Variants in NBAS observed in about 807,000 individuals in gnomAD.
NBAS encodes the protein NAG/BC035112 fusion.
A neutral mutation model predicts 302.5 loss-of-function variants in NBAS; 219 were observed. The ratio of observed to expected loss-of-function variants is 0.72; its 90% CI spans 0.65 to 0.81. NBAS has a LOEUF of 0.81. Among genes scored for constraint, NBAS ranks in the 30% least tolerant of loss-of-function variants. The pLI is 0.00. For synonymous variants in NBAS, 1,118 were observed against 1,021.6 expected, an observed-to-expected ratio of 1.09 and a Z score of -1.80; for missense variants, 2,932 against 2,841.6, an observed-to-expected ratio of 1.03 and a Z score of -0.72.
rs1428297904 is a variant in NBAS, at chr2:15,506,500, TG to T, written c.886-2288del. The stretch of plus-strand genomic sequence containing the variant: ...AGAGTAGCATTTTTTAAAAGTGTAG[TG>T]AAAGAGAAGGCGAACCAAGGATTTT... On this transcript the variant is annotated intron_variant, in intron 10 of 51. Coordinates refer to ENST00000281513, the MANE Select transcript of NBAS (RefSeq NM_015909.4). Among the ~76,000 whole-genome samples the T allele has an allele frequency of 3.9e-5, 6 of 152,162 alleles. No individual in the cohort carries two copies. The South Asian group carries it at 6.2e-4, about 16-fold the overall frequency.
chr2:15,273,866 G>A (rs1669444355), intron 44 of NBAS, among the ~76,000 whole-genome samples: 1 of 151,860 alleles, frequency 6.6e-6, no homozygotes, highest in Admixed American at 6.6e-5. Context: ...ACGACGTCAG[G>A]AGATCGAGAC....
the NBAS span, among the ~76,000 whole-genome samples, chr2:15,093,997 TTA>T: frequency 6.6e-6 from 1 of 152,210 alleles, no homozygotes; most frequent in Non-Finnish European, 1.5e-5. Flanking sequence ...TAGTTTCTTG[TTA>T]CTAAGAGACT....
At position 15,190,369 on chromosome 2, in the gene NBAS, C is replaced by T. The variant is rs769562325; in HGVS notation, c.6467G>A (p.Arg2156His). Residue 2156 changes from arginine (R) to histidine (H), a missense_variant, in exon 49 of 52, where the codon CGC becomes CAC. Arg to His is a conservative substitution (Grantham distance 29, BLOSUM62 0). Transcript: ENST00000281513. ...DIADIENEENRYCLFMELLES... is the reference protein window; with the variant it reads ...DIADIENEENHYCLFMELLES... ...CAGGAGTTCCATGAATAGACAGTAG[C>T]GGTTCTCTTCATTCTCAATGTCAGC... 5.6e-6 allele frequency: 9 copies of T among 1,613,812 alleles called. No homozygotes were observed. The highest frequency in any genetic ancestry group is 5.5e-5 in the South Asian group (5 of 91,072).
At chr2:14,988,031 G>A in the NBAS span, among the ~76,000 whole-genome samples, 5 of 152,120 alleles carry the variant, frequency 3.3e-5, no homozygotes, top group South Asian at 2.1e-4. Context: ...TAAGGTGTCC[G>A]TATTTGTCCA....
At chr2:14,838,413 T>C in the NBAS span, among the ~76,000 whole-genome samples, 1 of 151,950 alleles carries the variant, frequency 6.6e-6, no homozygotes, top group African/African-American at 2.4e-5. Context: ...TTTCTTTCAA[T>C]TTTGTTGCAA....
chr2:15,155,575 C>G, the NBAS span, among the ~76,000 whole-genome samples: 1 of 152,168 alleles, frequency 6.6e-6, no homozygotes, highest in Non-Finnish European at 1.5e-5. Context: ...TCAAGGCTTC[C>G]AGGGAATCAG....
At position 15,330,695 on chromosome 2, in the gene NBAS, A is replaced by G; in HGVS notation, c.4250T>C (p.Val1417Ala). Residue 1417 changes from valine to alanine, a missense_variant, in exon 36 of 52, where the codon GTC becomes GCC. Transcript: ENST00000281513. The part of the protein sequence containing the change: ...LRWTTATTMK[V>A]LSNTTTTTKA... The stretch of plus-strand genomic sequence containing the variant: ...GGTGGTGGTTGTGGTGTTGGAAAGG[A>G]CTTTCATGGTGGTAGCAGTGGTCCA... The G allele has an allele frequency of 1.2e-6, 2 of 1,614,068 alleles. No homozygotes were observed. The highest frequency in any genetic ancestry group is 8.5e-7 in the Non-Finnish European group (1 of 1,179,956).
intron 23 of NBAS, among the ~76,000 whole-genome samples, chr2:15,419,955 G>T (rs919571680): frequency 6.6e-6 from 1 of 151,834 alleles, no homozygotes; most frequent in Non-Finnish European, 1.5e-5. Flanking sequence ...CTCATGATTC[G>T]CCTGCCTCAG....
the NBAS span, among the ~76,000 whole-genome samples, chr2:14,787,458 A>ACCGG: frequency 6.6e-6 from 1 of 152,186 alleles, no homozygotes; most frequent in South Asian, 2.1e-4. Flanking sequence ...AGTGGCTGGT[A>ACCGG]CCGGCTCTTC....
intron 21 of NBAS, among the ~76,000 whole-genome samples, chr2:15,442,411 A>G (rs1678475432): frequency 1.3e-5 from 2 of 151,582 alleles, no homozygotes; most frequent in African/African-American, 4.8e-5. Context: ...TACTGGGTAC[A>G]TAACAAAATG....
the NBAS span, among the ~76,000 whole-genome samples, chr2:14,953,789 G>A: frequency 2.0e-5 from 3 of 152,210 alleles, no homozygotes; most frequent in Non-Finnish European, 2.9e-5. Flanking sequence ...AGCAGCTTTC[G>A]TTAGAGTTGG....
chr2:14,793,075 TC>T, the NBAS span, among the ~76,000 whole-genome samples: 1 of 150,864 alleles, frequency 6.6e-6, no homozygotes, highest in East Asian at 1.9e-4. Flanking sequence ...TGTTTCTCTC[TC>T]TCTCTCTCTC....
the NBAS span, among the ~76,000 whole-genome samples, chr2:14,849,596 C>A: frequency 2.0e-5 from 3 of 147,360 alleles, no homozygotes; most frequent in South Asian, 2.1e-4. Flanking sequence ...AAAGATACTC[C>A]TCGAGAAGAG....
intron 35 of NBAS, among the ~76,000 whole-genome samples, chr2:15,333,024 G>T (rs1340285919): frequency 6.6e-6 from 1 of 152,200 alleles, no homozygotes; most frequent in Non-Finnish European, 1.5e-5. Context: ...AGGAAGGAAA[G>T]CAGAGATATA....
chr2:15,344,940 G>A (rs528969110), intron 35 of NBAS, among the ~76,000 whole-genome samples: 1 of 152,106 alleles, frequency 6.6e-6, no homozygotes, highest in East Asian at 1.9e-4. Flanking sequence ...ATGCAGAAAA[G>A]GCCTTTGATA....
the NBAS span, among the ~76,000 whole-genome samples, chr2:14,891,323 T>G: frequency 6.6e-6 from 1 of 151,856 alleles, no homozygotes; most frequent in Non-Finnish European, 1.5e-5. Flanking sequence ...ATTAAAGTGC[T>G]TTAAAATGTT....
In NBAS at chr2:15,461,754, T is replaced by C. The variant is rs1295221229; in HGVS notation, c.2135A>G (p.Tyr712Cys). The change falls in exon 20 of 52, where the codon TAT (tyrosine) becomes TGT (cysteine). Residue 712 changes from tyrosine (Y) to cysteine (C), a missense_variant. By Grantham distance (194) the Tyr-to-Cys change is radical. Transcript: ENST00000281513. Reference protein sequence around the residue: ...LGVPHASEQRYDAEFFKKFRN... With the variant: ...LGVPHASEQRCDAEFFKKFRN... ...GAATTTCTTAAAGAATTCAGCATCATATCTCTGTTCAGATGCATGAGGCAC... is the reference window on the plus strand; with the variant it reads ...GAATTTCTTAAAGAATTCAGCATCACATCTCTGTTCAGATGCATGAGGCAC... 2 of 1,608,188 alleles carry C rather than the reference T, an allele frequency of 1.2e-6. No individual in the cohort carries two copies. Among genetic ancestry groups the C allele is most frequent in the African/African-American group, 1.3e-5 (1 of 74,752 alleles).
In NBAS at chr2:15,524,170, C is replaced by T. The variant is rs1328604571; in HGVS notation, c.746+10373G>A. 2.0e-5 allele frequency among the ~76,000 whole-genome samples: 3 copies of T among 152,162 alleles called. No individual in the cohort carries two copies. The East Asian group carries it at 5.8e-4, about 29-fold the overall frequency. Reference sequence around the variant, plus strand: ...TCTCTGTGACACCACAGATTTTTTACACAAATTAAATTAAAAATATCTGTG... The same window carrying T: ...TCTCTGTGACACCACAGATTTTTTATACAAATTAAATTAAAAATATCTGTG... On this transcript the variant is annotated intron_variant, in intron 9 of 51. Coordinates refer to ENST00000281513, the MANE Select transcript of NBAS (RefSeq NM_015909.4).
At chr2:15,383,355 GA>G (rs1558290275) in intron 28 of NBAS, 38 bp from the exon 29 acceptor site, 4 of 1,568,450 alleles carry the variant, frequency 2.6e-6, no homozygotes, top group Non-Finnish European at 3.5e-6. Flanking sequence ...AAGAGGGAAA[GA>G]AAACAATTAA....
Sources: gnomAD v4.1 joint callset for allele counts (sites outside exome capture counted in the v4.1 genomes callset) on GRCh38, gnomAD v4.1.1 for gene constraint, MANE v1.5 for transcripts, NCBI Gene and HGNC (gene_info 2026-07-23, HGNC 2026-07-21) for gene names.